Variants in PHYHIPL observed in about 807,000 individuals in gnomAD.
The protein encoded by PHYHIPL is phytanoyl-CoA hydroxylase-interacting protein-like.
Under a neutral mutation model 33.4 loss-of-function variants are expected in PHYHIPL, and 9 were observed. The ratio of observed to expected loss-of-function variants is 0.27; its 90% CI spans 0.16 to 0.47. PHYHIPL has a LOEUF of 0.47. Ranked by LOEUF, PHYHIPL falls within the 20% of genes least tolerant of loss-of-function variation. The pLI is 0.99. For synonymous variants in PHYHIPL, 153 were observed against 154.1 expected (o/e 0.99, Z 0.05); for missense variants, 365 against 460.7 (o/e 0.79, Z 1.90).
At chr10:59,185,930 T>A (rs536202046) in intron 1 of PHYHIPL, among the ~76,000 whole-genome samples, 5 of 152,270 alleles carry the variant, frequency 3.3e-5, no homozygotes, top group African/African-American at 1.2e-4. Flanking sequence ...GTTCACTCTG[T>A]TGGTAGTTTC....
At chr10:59,233,571 C>T (rs1840139005) in intron 1 of PHYHIPL, among the ~76,000 whole-genome samples, 1 of 151,672 alleles carries the variant, frequency 6.6e-6, no homozygotes, top group South Asian at 2.1e-4. Context: ...TCTTTTTGTC[C>T]TATGATCCAT....
intron 1 of PHYHIPL, among the ~76,000 whole-genome samples, chr10:59,232,782 GTTACTA>G (rs1840116856): frequency 6.6e-6 from 1 of 151,722 alleles, no homozygotes; most frequent in Non-Finnish European, 1.5e-5. Context: ...AAAGTTTTTC[GTTACTA>G]TTACTGATGT....
At chr10:59,183,556 C>A in intron 1 of PHYHIPL, 1 of 538,144 alleles carries the variant, frequency 1.9e-6, no homozygotes, top group Non-Finnish European at 2.4e-6. Flanking sequence ...TTGTATCTCA[C>A]CCTTTGAGGG....
intron 1 of PHYHIPL, among the ~76,000 whole-genome samples, chr10:59,184,627 GT>G (rs554576165): frequency 0.013 from 1,913 of 145,838 alleles, 14 homozygotes; most frequent in African/African-American, 0.024. Flanking sequence ...ACAGGCCCTA[GT>G]TTTTTTTTTT....
chr10:59,221,208 A>G (rs891365749), intron 1 of PHYHIPL, among the ~76,000 whole-genome samples: 1 of 151,930 alleles, frequency 6.6e-6, no homozygotes, highest in Non-Finnish European at 1.5e-5. Flanking sequence ...TTGTGTCACC[A>G]TCTGCTAAAG....
intron 1 of PHYHIPL, among the ~76,000 whole-genome samples, chr10:59,211,445 C>T (rs576756593): frequency 5.3e-5 from 8 of 152,024 alleles, no homozygotes; most frequent in Middle Eastern, 3.4e-3. Context: ...GGCATGATCT[C>T]GGCTCACTGC....
At chr10:59,217,748 C>T (rs1232544795) in intron 1 of PHYHIPL, among the ~76,000 whole-genome samples, 7 of 151,990 alleles carry the variant, frequency 4.6e-5, no homozygotes, top group South Asian at 2.1e-4. Flanking sequence ...TATGATGATT[C>T]ATAACCAAAT....
At chr10:59,224,497 A>AAACAAAACAAAAAACAAAAC (rs370140471) in intron 1 of PHYHIPL, among the ~76,000 whole-genome samples, 1 of 70,410 alleles carries the variant, frequency 1.4e-5, no homozygotes, top group African/African-American at 3.6e-5. Flanking sequence ...AAACAAAACA[A>AAACAAAACAAAAAACAAAAC]AAAACAAAAC....
intron 1 of PHYHIPL, among the ~76,000 whole-genome samples, chr10:59,228,941 T>G (rs1840001101): frequency 6.6e-6 from 1 of 152,182 alleles, no homozygotes; most frequent in Admixed American, 6.5e-5. Context: ...ATTCATTGTT[T>G]TCAAGGCAAA....
At chr10:59,202,237 A>G (rs954911203) in intron 1 of PHYHIPL, among the ~76,000 whole-genome samples, 7 of 152,086 alleles carry the variant, frequency 4.6e-5, no homozygotes, top group African/African-American at 1.2e-4. Flanking sequence ...ACCGGGTACA[A>G]TGTCTAATAT....
chr10:59,185,726 C>A (rs979302777), intron 1 of PHYHIPL, among the ~76,000 whole-genome samples: 2 of 152,172 alleles, frequency 1.3e-5, no homozygotes, highest in East Asian at 1.9e-4. Flanking sequence ...TAATGATGAG[C>A]ATTTTTTCAT....
chr10:59,216,771 G>A (rs944877037), intron 1 of PHYHIPL, among the ~76,000 whole-genome samples: 1 of 152,104 alleles, frequency 6.6e-6, no homozygotes, highest in Non-Finnish European at 1.5e-5. Flanking sequence ...GAGAAGCTTG[G>A]TTATGAAGGG....
Position 59,177,343 on chromosome 10 carries a change from C to T in PHYHIPL, c.106+384C>T. On this transcript the variant is annotated intron_variant, in intron 1 of 4. Coordinates refer to ENST00000373880, the MANE Select transcript of PHYHIPL (RefSeq NM_032439.4). ...GGAAATGCCCTCGGGATGTTTCTAGCAACCCCCTTCCCCCAACACACACAC... is the reference window on the plus strand; with the variant it reads ...GGAAATGCCCTCGGGATGTTTCTAGTAACCCCCTTCCCCCAACACACACAC... The T allele has an allele frequency of 4.6e-6, 4 of 868,548 alleles. No homozygotes were observed. In the South Asian group the frequency reaches 8.1e-5, roughly 18 times the overall value. 53.8% of individuals were successfully genotyped at this position (868,548 alleles called of 1,614,324 possible).
chr10:59,230,061 T>C (rs1564456814), intron 1 of PHYHIPL, among the ~76,000 whole-genome samples: 1 of 152,180 alleles, frequency 6.6e-6, no homozygotes, highest in Non-Finnish European at 1.5e-5. Flanking sequence ...GGTATGTGAC[T>C]TTGAAGGTAG....
At chr10:59,179,379 T>C (rs1299361547) in intron 1 of PHYHIPL, among the ~76,000 whole-genome samples, 1 of 152,226 alleles carries the variant, frequency 6.6e-6, no homozygotes, top group East Asian at 1.9e-4. Flanking sequence ...AGAAGATCTA[T>C]TTTGTGTTTA....
intron 1 of PHYHIPL, among the ~76,000 whole-genome samples, chr10:59,221,323 G>C (rs1348148503): frequency 6.6e-6 from 1 of 151,998 alleles, no homozygotes; most frequent in African/African-American, 2.4e-5. Context: ...CAAGGTGGCT[G>C]TATTTTATCA....
chr10:59,194,935 C>T (rs928178688), intron 1 of PHYHIPL, among the ~76,000 whole-genome samples: 1 of 152,122 alleles, frequency 6.6e-6, no homozygotes, highest in Non-Finnish European at 1.5e-5. Context: ...TGTTGCCCAG[C>T]ATTTCTGTCA....
At position 59,178,274 on chromosome 10, in the gene PHYHIPL, G is replaced by C. The variant is rs1343440973; in HGVS notation, c.106+1315G>C. Among the ~76,000 whole-genome samples, 4 of 152,050 alleles carry C rather than the reference G, an allele frequency of 2.6e-5. No homozygotes were observed. The East Asian group carries it at 5.8e-4, about 22-fold the overall frequency. On this transcript the variant is annotated intron_variant, in intron 1 of 4. Coordinates refer to ENST00000373880, the MANE Select transcript of PHYHIPL (RefSeq NM_032439.4). ...AATTTCTGATACAGGTGTAGTATATGAATAAATAAATACGTTTGCAAAGAC... is the reference window on the plus strand; with the variant it reads ...AATTTCTGATACAGGTGTAGTATATCAATAAATAAATACGTTTGCAAAGAC...
chr10:59,215,591 G>GA (rs1839592654), intron 1 of PHYHIPL, among the ~76,000 whole-genome samples: 1 of 151,900 alleles, frequency 6.6e-6, no homozygotes, highest in African/African-American at 2.4e-5. Flanking sequence ...ACTCTGGTGG[G>GA]AAAAACAGAT....
Sources: gnomAD v4.1 joint callset for allele counts (sites outside exome capture counted in the v4.1 genomes callset) on GRCh38, gnomAD v4.1.1 for gene constraint, MANE v1.5 for transcripts, NCBI Gene and HGNC (gene_info 2026-07-23, HGNC 2026-07-21) for gene names.